The following PRKCZ variants were observed in gnomAD, a reference collection of about 807,000 sequenced individuals.
PRKCZ encodes the protein protein kinase C zeta type.
Under a neutral mutation model 79.5 loss-of-function variants are expected in PRKCZ, and 33 were observed. The ratio of observed to expected loss-of-function variants is 0.41; its 90% CI spans 0.31 to 0.55. The LOEUF is 0.55. PRKCZ is among the 20% of genes least tolerant of loss of function. The probability of loss-of-function intolerance (pLI) is 0.19; values close to 1 mark genes in which losing one functional copy is unlikely to be tolerated. For synonymous variants in PRKCZ, 342 were observed against 320.9 expected (o/e 1.07, Z -0.70); for missense variants, 578 against 813.5 (o/e 0.71, Z 3.52).
At chr1:2,067,531 G>A (rs962658361) in intron 4 of PRKCZ, among the ~76,000 whole-genome samples, 2 of 152,146 alleles carry the variant, frequency 1.3e-5, no homozygotes, top group Non-Finnish European at 1.5e-5. Flanking sequence ...CATCTGTGGC[G>A]GCCTCAGTGG....
intron 6 of PRKCZ, chr1:2,144,546 T>A (rs1678092450): frequency 5.0e-6 from 7 of 1,408,600 alleles, no homozygotes; most frequent in African/African-American, 2.9e-5. Flanking sequence ...CCCGGCACAC[T>A]CTGCTCATTG....
At chr1:2,183,861 G>C (rs1311687118) in intron 16 of PRKCZ, 1 of 152,396 alleles carries the variant, frequency 6.6e-6, no homozygotes, top group Non-Finnish European at 1.5e-5. Flanking sequence ...TTGCTCTGGG[G>C]AATGAGTTTC....
chr1:2,132,434 T>C (rs867225881), intron 4 of PRKCZ, among the ~76,000 whole-genome samples: 37 of 152,200 alleles, frequency 2.4e-4, no homozygotes, highest in African/African-American at 4.1e-4. Flanking sequence ...GTTTCTGAGC[T>C]GCGAGGCTCT....
At chr1:2,104,727 C>T (rs190621454) in intron 4 of PRKCZ, 18 of 985,282 alleles carry the variant, frequency 1.8e-5, no homozygotes, top group East Asian at 2.3e-4. Context: ...GAACATCGCT[C>T]GGTGCCAGAC....
chr1:2,121,369 A>G (rs913439474), intron 4 of PRKCZ, among the ~76,000 whole-genome samples: 2 of 151,316 alleles, frequency 1.3e-5, no homozygotes, highest in African/African-American at 4.9e-5. Flanking sequence ...GTCTCCCCAG[A>G]ATCCATATGT....
intron 4 of PRKCZ, among the ~76,000 whole-genome samples, chr1:2,081,034 C>T (rs955624344): frequency 6.6e-6 from 1 of 152,200 alleles, no homozygotes; most frequent in African/African-American, 2.4e-5. Flanking sequence ...CACCTGGCCG[C>T]GGTGTGTTTG....
chr1:2,079,752 C>T (rs71630959), intron 4 of PRKCZ, among the ~76,000 whole-genome samples: 87 of 152,322 alleles, frequency 5.7e-4, no homozygotes, highest in Admixed American at 2.0e-3. Context: ...CTGTTTTCAC[C>T]GAGAGTCCCT....
rs1686740413 is a variant in PRKCZ at position 2,182,218 on chromosome 1, TGTTC to T, written c.1576-2364_1576-2361del. ...GTTTGGCTTTTGTTGTTGTTGTGGC[TGTTC>T]TTGGCCCCCCTGGGCCCTGCAGTGG... On this transcript the variant is annotated intron_variant, in intron 16 of 17. Transcript: ENST00000378567. The T allele has an allele frequency of 1.3e-5, 3 of 227,318 alleles. No homozygotes were observed. In the South Asian group the frequency reaches 1.5e-4, roughly 11 times the overall value. The allele number at this position is 227,318 out of a possible 1,614,324, so 14.1% of individuals were successfully genotyped here.
chr1:2,078,105 C>T (rs1029823195), intron 4 of PRKCZ, among the ~76,000 whole-genome samples: 1 of 150,978 alleles, frequency 6.6e-6, no homozygotes, highest in African/African-American at 2.4e-5. Flanking sequence ...TCCTGGTGCA[C>T]CTGGCCCCCC....
At chr1:2,107,975 C>T (rs904635487) in intron 4 of PRKCZ, among the ~76,000 whole-genome samples, 3 of 149,446 alleles carry the variant, frequency 2.0e-5, no homozygotes, top group African/African-American at 7.6e-5. Context: ...AGCCCCCAGA[C>T]AGTGTCAAGG....
chr1:2,155,584 A>G (rs1680843542), intron 9 of PRKCZ, among the ~76,000 whole-genome samples: 1 of 140,060 alleles, frequency 7.1e-6, no homozygotes, highest in African/African-American at 2.5e-5. Flanking sequence ...GCAGATGGTG[A>G]TGACGGTGGT....
intron 4 of PRKCZ, among the ~76,000 whole-genome samples, chr1:2,090,656 C>T (rs2490558): frequency 0.044 from 6,706 of 152,294 alleles, 433 homozygotes; most frequent in African/African-American, 0.14. Context: ...CTCCCACAGC[C>T]GCGTGCCCCT....
chr1:2,177,069 C>A lies in PRKCZ; in HGVS notation c.1575+1756C>A, dbSNP rs947950503. ...GTTCTAACTGTCAGTCATCCTCACG[C>A]CCAGGCCGGGGTTAGAGGTGGCGTC... On this transcript the variant is annotated intron_variant, in intron 16 of 17. Coordinates refer to ENST00000378567, the MANE Select transcript of PRKCZ (RefSeq NM_002744.6). This position sits in a 1 kb window ranked among gnomAD's most constrained non-coding sequence, Gnocchi z 6.4. Among the ~76,000 whole-genome samples the A allele has an allele frequency of 5.3e-5, 8 of 152,340 alleles. No individual in the cohort carries two copies. The highest frequency in any genetic ancestry group is 1.9e-4 in the African/African-American group (8 of 41,582).
At chr1:2,139,178 C>T (rs528801418) in intron 5 of PRKCZ, among the ~76,000 whole-genome samples, 5 of 152,200 alleles carry the variant, frequency 3.3e-5, no homozygotes, top group African/African-American at 9.6e-5. Flanking sequence ...AGCTGAGAAC[C>T]GGTGTGAATG....
In PRKCZ at chr1:2,104,261, C is replaced by T. The variant is rs533325097; in HGVS notation, c.335-31001C>T. ...GGAGGGGAGCGGGTCGTCTCAAACACCTCCAGCAGTCGAACATCAAAAAGG... is the reference window on the plus strand; with the variant it reads ...GGAGGGGAGCGGGTCGTCTCAAACATCTCCAGCAGTCGAACATCAAAAAGG... On this transcript the variant is annotated intron_variant, in intron 4 of 17. Transcript: ENST00000378567. Among the ~76,000 whole-genome samples, 19 of 152,266 alleles carry T rather than the reference C, an allele frequency of 1.2e-4. 1 individual carries two copies. In the South Asian group the frequency reaches 3.5e-3, roughly 28 times the overall value.
In PRKCZ at chr1:2,128,993, C is replaced by G. The variant is rs1674459411; in HGVS notation, c.335-6269C>G. On this transcript the variant is annotated intron_variant, in intron 4 of 17. Coordinates refer to ENST00000378567, the MANE Select transcript of PRKCZ (RefSeq NM_002744.6). This position sits in a 1 kb window ranked among gnomAD's most constrained non-coding sequence, Gnocchi z 6.5. ...GTCTGTCGCTTAGGTCAGAAATAGG[C>G]CCATCGCTTTCCAAGCAGAAACCCA... Among the ~76,000 whole-genome samples, 1 of 152,094 alleles carries G rather than the reference C, an allele frequency of 6.6e-6. No individual in the cohort carries two copies. The highest frequency in any genetic ancestry group is 1.5e-5 in the Non-Finnish European group (1 of 68,012).
At chr1:2,086,675 C>T (rs989511963) in intron 4 of PRKCZ, among the ~76,000 whole-genome samples, 12 of 152,212 alleles carry the variant, frequency 7.9e-5, no homozygotes, top group African/African-American at 2.9e-4. Context: ...GGCCGTGAGG[C>T]TGTGCCCGGT....
Position 2,172,267 on chromosome 1 carries a change from C to T in PRKCZ, c.1198-34C>T, listed in dbSNP as rs771522810. ...CGCCTGTCCCGCGGGGTAGTGTCTA[C>T]AAGAACCCTCTCCCAGTAACTTTGC... On this transcript the variant is annotated intron_variant, in intron 12 of 17. Transcript: ENST00000378567. The surrounding 1 kb of genome is among the most constrained non-coding windows in gnomAD (Gnocchi z 7.8). 3 of 1,613,506 alleles carry T rather than the reference C, an allele frequency of 1.9e-6. No homozygotes were observed. Among genetic ancestry groups the T allele is most frequent in the Non-Finnish European group, 2.5e-6 (3 of 1,179,996 alleles).
chr1:2,112,805 T>C (rs1670018567), intron 4 of PRKCZ, among the ~76,000 whole-genome samples: 1 of 152,046 alleles, frequency 6.6e-6, no homozygotes, highest in Non-Finnish European at 1.5e-5. Flanking sequence ...TTTTCCTGCC[T>C]CAGCCTCCCA....
Sources: allele counts gnomAD v4.1 joint callset (sites outside exome capture counted in the v4.1 genomes callset), GRCh38; gene constraint gnomAD v4.1.1; non-coding constraint Gnocchi (gnomAD v3.1); transcripts MANE v1.5; gene names NCBI Gene and HGNC (gene_info 2026-07-23, HGNC 2026-07-21).